CLCN7: variants seen among roughly 807,000 people sequenced by gnomAD.
The protein encoded by CLCN7 is Cl-/H+ antiporter 7, also known as H(+)/Cl(-) exchange transporter 7.
CLCN7 carries 60 observed loss-of-function variants against 102.1 expected under a neutral mutation model. That is an observed-to-expected ratio of 0.59 (90% CI 0.48 to 0.73). The LOEUF is 0.73. Ranked by LOEUF, CLCN7 falls within the 30% of genes least tolerant of loss-of-function variation. CLCN7 has a pLI of 0.00. For missense variants in CLCN7, 962 were observed against 1,125.7 expected (o/e 0.85, Z 2.08); for synonymous variants, 560 against 490.5 (o/e 1.14, Z -1.87).
chr16:1,468,101 C>A (rs983949110), intron 1 of CLCN7, among the ~76,000 whole-genome samples: 19 of 151,800 alleles, frequency 1.3e-4, no homozygotes, highest in Non-Finnish European at 1.5e-4. Context: ...AAAAAAAAAA[C>A]CCAAACAAAA....
Position 1,450,778 on chromosome 16 carries a change from C to A in CLCN7, c.1448-112G>T, listed in dbSNP as rs1043864800. ...AGTCACCTTCCAGGAGCCCAGCAAC[C>A]TGAGCTCCCGAGCCCAGCGGTCCCC... On this transcript the variant is annotated intron_variant, in intron 16 of 24. Coordinates refer to ENST00000382745, the MANE Select transcript of CLCN7 (RefSeq NM_001287.6). 5 of 946,420 alleles carry A rather than the reference C, an allele frequency of 5.3e-6. No homozygotes were observed. The South Asian group carries it at 8.7e-5, about 17-fold the overall frequency. The allele number at this position is 946,420 out of a possible 1,614,324, so 58.6% of individuals were successfully genotyped here.
At chr16:1,447,855 A>C (rs1377849910) in intron 21 of CLCN7, 141 bp from the exon 22 acceptor site, 2 of 905,892 alleles carry the variant, frequency 2.2e-6, no homozygotes, top group East Asian at 5.3e-5. Context: ...CTACCTGCTC[A>C]CACCAGCCTC....
intron 6 of CLCN7, 131 bp from the exon 7 acceptor site, chr16:1,459,318 A>G: frequency 1.4e-6 from 1 of 708,516 alleles, no homozygotes; most frequent in Non-Finnish European, 2.5e-6. Flanking sequence ...GGAGCTCAGC[A>G]CACAAACGTC....
intron 14 of CLCN7, 81 bp from the exon 15 acceptor site, chr16:1,452,974 G>A: frequency 6.6e-7 from 1 of 1,525,416 alleles, no homozygotes; most frequent in Non-Finnish European, 8.9e-7. Context: ...TCGAGTCCCT[G>A]ATGGAGGACA....
chr16:1,461,801 C>CA (rs2038942438), intron 2 of CLCN7, 127 bp from the exon 3 acceptor site: 1 of 833,016 alleles, frequency 1.2e-6, no homozygotes, highest in South Asian at 1.4e-5. Context: ...AAGAGAACTG[C>CA]ACATGGGGCG....
intron 6 of CLCN7, among the ~76,000 whole-genome samples, chr16:1,459,675 C>T (rs12925425): frequency 3.4e-5 from 1 of 29,616 alleles, no homozygotes; most frequent in Non-Finnish European, 6.4e-5. Flanking sequence ...GCGGCACACA[C>T]GTCGGGGCCT....
intron 12 of CLCN7, 73 bp downstream of exon 12, chr16:1,455,061 A>T (rs1423436179): frequency 9.8e-6 from 9 of 918,136 alleles, no homozygotes; most frequent in African/African-American, 1.6e-5. Context: ...CCAAATTCTC[A>T]ACCTGGGCCT....
At chr16:1,471,775 C>G (rs1183333330) in intron 1 of CLCN7, 1 of 152,284 alleles carries the variant, frequency 6.6e-6, no homozygotes, top group Non-Finnish European at 1.5e-5. Context: ...AACGCCTGGC[C>G]TAAGAGGTGG....
intron 1 of CLCN7, chr16:1,474,219 C>G (rs776437041): frequency 6.6e-6 from 3 of 455,968 alleles, no homozygotes; most frequent in African/African-American, 2.0e-5. Flanking sequence ...TGACTTGCTG[C>G]TTATTGTGTT....
rs763596397 is a variant in CLCN7 at position 1,474,980 on chromosome 16, G to A, written c.-6C>T. 11 of 1,476,266 alleles carry A rather than the reference G, an allele frequency of 7.5e-6. No homozygotes were observed. Among genetic ancestry groups the A allele is most frequent in the East Asian group, 5.8e-5 (2 of 34,318 alleles). 91.4% of individuals were successfully genotyped at this position (1,476,266 alleles called of 1,614,324 possible). On this transcript the variant is annotated 5_prime_UTR_variant, in exon 1 of 25. Transcript: ENST00000382745. ...TTCTTAGAGACGTTGGCCATGGCCC[G>A]CCGCGGAGCGACACCGGCCGGGAAG...
Position 1,454,405 on chromosome 16 carries a change from C to T in CLCN7, c.1153+6G>A, listed in dbSNP as rs764787987. The T allele has an allele frequency of 1.9e-6, 3 of 1,613,250 alleles. No homozygotes were observed. The highest frequency in any genetic ancestry group is 1.3e-5 in the African/African-American group (1 of 74,914). ...CCGTCCCTGCGGTGCTGGGAGAAGC[C>T]CTTACCCACCACGCCCATGGCGATG... On this transcript the variant is annotated splice_donor_region_variant and intron_variant, in intron 13 of 24. Transcript: ENST00000382745.
intron 20 of CLCN7, 82 bp from the exon 21 acceptor site, chr16:1,448,566 G>A: frequency 1.2e-6 from 2 of 1,601,708 alleles, no homozygotes; most frequent in South Asian, 2.2e-5. Flanking sequence ...GAGGTGTGAA[G>A]CCGCTGGACA....
intron 4 of CLCN7, 90 bp from the exon 5 acceptor site, chr16:1,461,038 C>G: frequency 1.3e-6 from 2 of 1,519,574 alleles, no homozygotes; most frequent in South Asian, 1.2e-5. Context: ...CTGCAGGCCC[C>G]GGGATTATGA....
intron 2 of CLCN7, among the ~76,000 whole-genome samples, chr16:1,462,483 C>A (rs972672767): frequency 1.4e-5 from 2 of 146,822 alleles, no homozygotes; most frequent in Non-Finnish European, 3.0e-5. Flanking sequence ...TAAAGCCATT[C>A]TCCTGCCTCA....
At chr16:1,451,974 G>C (rs2038758992) in intron 15 of CLCN7, 11 of 479,114 alleles carry the variant, frequency 2.3e-5, no homozygotes, top group South Asian at 2.2e-4. Context: ...AGCCCTGGGG[G>C]GTGGGTTAGC....
At chr16:1,456,667 C>T (rs1246447695) in intron 9 of CLCN7, among the ~76,000 whole-genome samples, 1 of 152,058 alleles carries the variant, frequency 6.6e-6, no homozygotes, top group Admixed American at 6.6e-5. Context: ...GGCAAAACCC[C>T]ATCTCTACTA....
At position 1,450,654 on chromosome 16, in the gene CLCN7, G is replaced by A. The variant is rs371746274; in HGVS notation, c.1460C>T (p.Pro487Leu). 4 of 1,610,818 alleles carry A rather than the reference G, an allele frequency of 2.5e-6. No individual in the cohort carries two copies. The highest frequency in any genetic ancestry group is 1.3e-5 in the African/African-American group (1 of 74,866). The change falls in exon 17 of 25, where the codon CCC (proline) becomes CTC (leucine). Residue 487 changes from proline to leucine, a missense_variant. Around this residue, in one of 2 missense-constraint regions of CLCN7, gnomAD observed 799 missense variants for 988.0 expected, o/e 0.81. Coordinates refer to ENST00000382745, the MANE Select transcript of CLCN7 (RefSeq NM_001287.6). Reference sequence around the variant, plus strand: ...CAGCGTGAACAGGCCGAGGGTCAGGGGGTTGTAGGAGCCTAGGAGAGAAGA... The same window carrying A: ...CAGCGTGAACAGGCCGAGGGTCAGGAGGTTGTAGGAGCCTAGGAGAGAAGA... ...LFHDPPGSYN[P>L]LTLGLFTLVY... is the part of the protein sequence containing the mutation.
At chr16:1,460,645 T>C in intron 5 of CLCN7, 118 bp from the exon 6 acceptor site, 1 of 1,263,968 alleles carries the variant, frequency 7.9e-7, no homozygotes, top group Non-Finnish European at 1.1e-6. Flanking sequence ...GCCATGATGT[T>C]CACTGGACAT....
rs141991492 is a variant in CLCN7 at position 1,448,446 on chromosome 16, C to G, written c.1922G>C (p.Arg641Pro). The G allele has an allele frequency of 1.2e-6, 2 of 1,611,884 alleles. No homozygotes were observed. Among genetic ancestry groups the G allele is most frequent in the South Asian group, 2.2e-5 (2 of 91,082 alleles). Residue 641 changes from arginine to proline, a missense_variant, in exon 21 of 25, where the codon CGT becomes CCT. Physicochemically the swap from Arg to Pro is moderately radical, Grantham distance 103 (BLOSUM62 -2). Around this residue, in one of 2 missense-constraint regions of CLCN7, gnomAD observed 799 missense variants for 988.0 expected, o/e 0.81. Coordinates refer to ENST00000382745, the MANE Select transcript of CLCN7 (RefSeq NM_001287.6). ...GTCCACAATGACGCCGACCTTCTCA[C>G]GCCGCCTCAGGCAGGTCACTGGTGT... The part of the protein sequence containing the change: ...MSTPVTCLRR[R>P]EKVGVIVDVL...
Sources: gnomAD v4.1 joint callset for allele counts (sites outside exome capture counted in the v4.1 genomes callset) on GRCh38, gnomAD v4.1.1 for gene constraint, gnomAD v4.1.1 regional missense constraint, MANE v1.5 for transcripts, NCBI Gene and HGNC (gene_info 2026-07-23, HGNC 2026-07-21) for gene names.